JMJD1C: variants seen among roughly 807,000 people sequenced by gnomAD.
JMJD1C encodes jumonji domain-containing protein 1C.
Under a neutral mutation model 245.3 loss-of-function variants are expected in JMJD1C, and 31 were observed. The ratio of observed to expected loss-of-function variants is 0.13; its 90% CI spans 0.09 to 0.17. The LOEUF is 0.17. Ranked by LOEUF, JMJD1C falls within the 10% of genes least tolerant of loss-of-function variation. The pLI is 1.00. For missense variants in JMJD1C, 2,691 were observed against 3,000.2 expected (o/e 0.90, Z 2.41); for synonymous variants, 1,057 against 1,017.4 (o/e 1.04, Z -0.74).
intron 3 of JMJD1C, among the ~76,000 whole-genome samples, chr10:63,252,106 T>C (rs1220827989): frequency 6.6e-6 from 1 of 152,210 alleles, no homozygotes; most frequent in Admixed American, 6.5e-5. Flanking sequence ...GGATGGGAAA[T>C]GGCTCAGGGA....
At chr10:63,355,116 C>T (rs376296929) in intron 2 of JMJD1C, among the ~76,000 whole-genome samples, 1 of 152,000 alleles carries the variant, frequency 6.6e-6, no homozygotes, top group Non-Finnish European at 1.5e-5. Context: ...GCAAGTGATT[C>T]TCTAATCTCT....
At chr10:63,308,761 A>G (rs1432541287) in intron 2 of JMJD1C, among the ~76,000 whole-genome samples, 1 of 151,088 alleles carries the variant, frequency 6.6e-6, no homozygotes, top group Non-Finnish European at 1.5e-5. Flanking sequence ...CAAAAAAAAA[A>G]AAAAAAAGAA....
At chr10:63,416,345 G>GTTT (rs10640079) in intron 1 of JMJD1C, among the ~76,000 whole-genome samples, 4,250 of 147,158 alleles carry the variant, frequency 0.029, 192 homozygotes, top group African/African-American at 0.097. Context: ...ATTTATCTTA[G>GTTT]TTTTTTTTTT....
intron 2 of JMJD1C, among the ~76,000 whole-genome samples, chr10:63,327,635 C>T (rs1353151099): frequency 6.6e-6 from 1 of 151,826 alleles, no homozygotes; most frequent in African/African-American, 2.4e-5. Context: ...AACTAAATTG[C>T]TTTTTAAGGA....
chr10:63,509,550 T>A (rs756800068), intron 1 of JMJD1C, among the ~76,000 whole-genome samples: 2 of 152,356 alleles, frequency 1.3e-5, no homozygotes, highest in East Asian at 3.9e-4. Flanking sequence ...ACTTTCTGTT[T>A]GGGAAGATTA....
intron 10 of JMJD1C, chr10:63,203,902 T>A (rs371870475): frequency 2.0e-5 from 20 of 980,098 alleles, no homozygotes; most frequent in Non-Finnish European, 2.4e-5. Flanking sequence ...TACTAAACAA[T>A]AGAAAGAAAA....
chr10:63,424,158 G>GTT (rs1307369755), intron 1 of JMJD1C, among the ~76,000 whole-genome samples: 1 of 151,802 alleles, frequency 6.6e-6, no homozygotes, highest in Non-Finnish European at 1.5e-5. Flanking sequence ...AGTGACTGAA[G>GTT]GTGTAAACCT....
At chr10:63,187,439 T>A (rs1341905163) in intron 18 of JMJD1C, among the ~76,000 whole-genome samples, 1 of 152,190 alleles carries the variant, frequency 6.6e-6, no homozygotes, top group Admixed American at 6.5e-5. Flanking sequence ...ATCACCATGA[T>A]CTTTTTACTT....
At position 63,301,626 on chromosome 10, in the gene JMJD1C, A is replaced by G. The variant is rs537896115; in HGVS notation, c.334-36862T>C. ...TTGAACAATGAGAACACAAGGACAC[A>G]GGGAAGGAAACATCACAGACCAGGG... On this transcript the variant is annotated intron_variant, in intron 2 of 25. Coordinates refer to ENST00000399262, the MANE Select transcript of JMJD1C (RefSeq NM_032776.3). 63 of 319,858 alleles carry G rather than the reference A, an allele frequency of 2.0e-4. 1 individual carries two copies. The highest frequency in any genetic ancestry group is 1.3e-3 in the South Asian group (59 of 43,728). The allele number at this position is 319,858 out of a possible 1,614,324, so 19.8% of individuals were successfully genotyped here.
intron 2 of JMJD1C, among the ~76,000 whole-genome samples, chr10:63,295,472 C>T (rs1001257248): frequency 5.3e-5 from 8 of 152,084 alleles, no homozygotes; most frequent in African/African-American, 1.9e-4. Context: ...TGTTTCAAGC[C>T]TATGAGTTCT....
At chr10:63,231,172 A>T (rs1159255254) in intron 3 of JMJD1C, among the ~76,000 whole-genome samples, 6 of 152,338 alleles carry the variant, frequency 3.9e-5, no homozygotes, top group Non-Finnish European at 8.8e-5. Flanking sequence ...TGCAAGCAAG[A>T]TCTTAATGCA....
chr10:63,268,966 T>C, intron 2 of JMJD1C: 4 of 985,646 alleles, frequency 4.1e-6, no homozygotes, highest in Non-Finnish European at 4.8e-6. Context: ...GCCCTGGCAG[T>C]GATGAGGATT....
chr10:63,473,961 A>G (rs1193687140), intron 1 of JMJD1C, among the ~76,000 whole-genome samples: 1 of 151,892 alleles, frequency 6.6e-6, no homozygotes, highest in Non-Finnish European at 1.5e-5. Context: ...GAGAATCCCT[A>G]GATCCCGGGA....
chr10:63,282,778 G>A (rs1357062446), intron 2 of JMJD1C, among the ~76,000 whole-genome samples: 4 of 151,944 alleles, frequency 2.6e-5, no homozygotes, highest in Non-Finnish European at 2.9e-5. Flanking sequence ...GTGCAGTGGC[G>A]CGATCTCGGC....
At chr10:63,339,829 C>A (rs183094727) in intron 2 of JMJD1C, among the ~76,000 whole-genome samples, 7 of 152,126 alleles carry the variant, frequency 4.6e-5, no homozygotes, top group East Asian at 3.9e-4. Context: ...AGGTTCACTG[C>A]GGAGAAGCTG....
At chr10:63,217,432 A>G (rs1564628557) in intron 4 of JMJD1C, 101 bp from the exon 5 acceptor site, 19 of 884,128 alleles carry the variant, frequency 2.1e-5, no homozygotes, top group Non-Finnish European at 1.7e-6. Flanking sequence ...ATAGTAATAT[A>G]TCCAACTATC....
At chr10:63,294,750 T>TAAAAAAA (rs1377994492) in intron 2 of JMJD1C, among the ~76,000 whole-genome samples, 1 of 152,242 alleles carries the variant, frequency 6.6e-6, no homozygotes. Flanking sequence ...TGCATGTATC[T>TAAAAAAA]GTCTCCACAA....
At chr10:63,441,189 C>CTCCCTTT (rs1431981104) in intron 1 of JMJD1C, among the ~76,000 whole-genome samples, 4 of 152,178 alleles carry the variant, frequency 2.6e-5, no homozygotes, top group African/African-American at 9.7e-5. Context: ...TTAGAAGACT[C>CTCCCTTT]TCCCTTTTTT....
intron 1 of JMJD1C, among the ~76,000 whole-genome samples, chr10:63,514,990 T>C (rs143161394): frequency 7.3e-4 from 111 of 152,196 alleles, no homozygotes; most frequent in African/African-American, 2.6e-3. Flanking sequence ...TGTTTTGTAA[T>C]GCAGTACTAG....
Sources: allele counts gnomAD v4.1 joint callset (sites outside exome capture counted in the v4.1 genomes callset), GRCh38; gene constraint gnomAD v4.1.1; transcripts MANE v1.5; gene names NCBI Gene and HGNC (gene_info 2026-07-23, HGNC 2026-07-21).